The following CAMTA1 variants were observed in gnomAD, a reference collection of about 807,000 sequenced individuals.
The protein encoded by CAMTA1 is calmodulin binding transcription activator 1.
CAMTA1 carries 27 observed loss-of-function variants against 170.9 expected under a neutral mutation model. That is an observed-to-expected ratio of 0.16 (90% CI 0.12 to 0.22). The LOEUF is 0.22. CAMTA1 is among the 10% of genes least tolerant of loss of function. The pLI, the probability that CAMTA1 is intolerant of heterozygous loss-of-function variation, is 1.00. For synonymous variants in CAMTA1, 833 were observed against 891.5 expected (o/e 0.93, Z 1.17); for missense variants, 1,619 against 2,217.2 (o/e 0.73, Z 5.42).
At chr1:7,554,181 A>G (rs2150204581) in intron 6 of CAMTA1, among the ~76,000 whole-genome samples, 1 of 152,330 alleles carries the variant, frequency 6.6e-6, no homozygotes, top group East Asian at 1.9e-4. Flanking sequence ...TACATGGAAG[A>G]AGAAGGGTGT....
intron 8 of CAMTA1, among the ~76,000 whole-genome samples, chr1:7,662,583 C>G (rs973783978): frequency 6.6e-6 from 1 of 152,168 alleles, no homozygotes; most frequent in Non-Finnish European, 1.5e-5. Context: ...AGAGAAAAGC[C>G]GTCCTGGCTG....
At position 7,665,787 on chromosome 1, in the gene CAMTA1, C is replaced by T. The variant is rs1013049523; in HGVS notation, c.2652+588C>T. ...CCCAGCTCCAGCCAGAGTCGTCTGCCGTTTCTCAATTTATGTGTTGAGTCC... is the reference window on the plus strand; with the variant it reads ...CCCAGCTCCAGCCAGAGTCGTCTGCTGTTTCTCAATTTATGTGTTGAGTCC... On this transcript the variant is annotated intron_variant, in intron 9 of 22. Transcript: ENST00000303635. The surrounding 1 kb of genome is among the most constrained non-coding windows in gnomAD (Gnocchi z 4.3). Among the ~76,000 whole-genome samples, 1 of 152,040 alleles carries T rather than the reference C, an allele frequency of 6.6e-6. No homozygotes were observed. The highest frequency in any genetic ancestry group is 2.4e-5 in the African/African-American group (1 of 41,402).
rs2149158077 is a variant in CAMTA1 at position 7,663,869 on chromosome 1, A to G, written c.1322A>G (p.Lys441Arg). The change falls in exon 9 of 23, where the codon AAG becomes AGG. Residue 441 changes from lysine (K) to arginine (R), a missense_variant. Physicochemically the swap from Lys to Arg is conservative, Grantham distance 26. This residue lies in a region of CAMTA1 where 731 missense variants were observed against 907.6 expected (regional missense o/e 0.81). Transcript: ENST00000303635. ...CTGGCCGTGAGCTCTGATGGCCACA[A>G]GTTCGCCTTTCCCACCACGGGCAGC... The part of the protein sequence containing the change: ...LVLAVSSDGH[K>R]FAFPTTGSSE... 2 of 1,614,012 alleles carry G rather than the reference A, an allele frequency of 1.2e-6. No individual in the cohort carries two copies. Among genetic ancestry groups the G allele is most frequent in the Admixed American group, 1.7e-5 (1 of 60,022 alleles).
chr1:7,199,234 G>T (rs916309221), intron 4 of CAMTA1, among the ~76,000 whole-genome samples: 1 of 152,216 alleles, frequency 6.6e-6, no homozygotes, highest in African/African-American at 2.4e-5. Context: ...TCCACCCGCT[G>T]GGCATCCTGC....
chr1:6,897,383 G>A (rs1457633592), intron 3 of CAMTA1, among the ~76,000 whole-genome samples: 3 of 141,752 alleles, frequency 2.1e-5, no homozygotes, highest in South Asian at 2.2e-4. Flanking sequence ...AGTGTGGGGC[G>A]GGGAGTAGTG....
At chr1:7,304,043 A>C (rs953544154) in intron 5 of CAMTA1, among the ~76,000 whole-genome samples, 1 of 151,062 alleles carries the variant, frequency 6.6e-6, no homozygotes. Flanking sequence ...TTAGAGTAGA[A>C]GTTCTCAAGG....
At chr1:7,123,656 C>A (rs1371591627) in intron 4 of CAMTA1, among the ~76,000 whole-genome samples, 1 of 152,140 alleles carries the variant, frequency 6.6e-6, no homozygotes, top group African/African-American at 2.4e-5. Context: ...GTACCTTGGC[C>A]CCTCTGAGCC....
intron 3 of CAMTA1, among the ~76,000 whole-genome samples, chr1:6,949,008 T>A (rs1352720788): frequency 2.0e-5 from 3 of 152,216 alleles, no homozygotes; most frequent in Non-Finnish European, 4.4e-5. Context: ...GGGATAATCT[T>A]CCAGGGAAAA....
At chr1:7,229,913 C>T (rs896667158) in intron 4 of CAMTA1, among the ~76,000 whole-genome samples, 5 of 152,150 alleles carry the variant, frequency 3.3e-5, no homozygotes, top group African/African-American at 1.2e-4. Context: ...CTGGTATTCA[C>T]AATGACTCAC....
intron 4 of CAMTA1, among the ~76,000 whole-genome samples, chr1:7,209,034 C>G (rs1658280470): frequency 6.6e-6 from 1 of 152,274 alleles, no homozygotes; most frequent in South Asian, 2.1e-4. Flanking sequence ...AGCCTTTAAC[C>G]ATGATTCAAG....
chr1:7,498,557 C>G (rs1360899264), intron 6 of CAMTA1, among the ~76,000 whole-genome samples: 1 of 151,056 alleles, frequency 6.6e-6, no homozygotes, highest in Non-Finnish European at 1.5e-5. Context: ...GTTAATCTAC[C>G]TGTATATGCA....
chr1:6,917,316 G>C (rs1429876035), intron 3 of CAMTA1, among the ~76,000 whole-genome samples: 1 of 152,050 alleles, frequency 6.6e-6, no homozygotes. Flanking sequence ...GGTAAGCCGT[G>C]GTGGTTTAAA....
chr1:6,958,229 T>C (rs1251624302), intron 3 of CAMTA1, among the ~76,000 whole-genome samples: 1 of 152,204 alleles, frequency 6.6e-6, no homozygotes, highest in Non-Finnish European at 1.5e-5. Context: ...GGAAGCCTGC[T>C]GGTATAAGAT....
chr1:6,910,352 T>C (rs1679434888), intron 3 of CAMTA1, among the ~76,000 whole-genome samples: 1 of 152,236 alleles, frequency 6.6e-6, no homozygotes, highest in African/African-American at 2.4e-5. Context: ...TTTTTCTTCT[T>C]TTTACCCCAG....
chr1:7,337,016 T>C (rs184164456), intron 5 of CAMTA1, among the ~76,000 whole-genome samples: 1 of 152,340 alleles, frequency 6.6e-6, no homozygotes, highest in East Asian at 1.9e-4. Flanking sequence ...TTTCTGTTGA[T>C]TTATGTCCCT....
chr1:7,684,647 T>C (rs774288660), intron 11 of CAMTA1, among the ~76,000 whole-genome samples: 6 of 152,226 alleles, frequency 3.9e-5, no homozygotes, highest in Non-Finnish European at 8.8e-5. Flanking sequence ...CACCAGTCAT[T>C]GGATTAAGGC....
chr1:7,147,540 C>G (rs1038332991), intron 4 of CAMTA1, among the ~76,000 whole-genome samples: 2 of 149,548 alleles, frequency 1.3e-5, no homozygotes, highest in Non-Finnish European at 3.0e-5. Flanking sequence ...CAAACATACA[C>G]TATGCACACG....
intron 5 of CAMTA1, among the ~76,000 whole-genome samples, chr1:7,458,225 G>A (rs2093006646): frequency 6.6e-6 from 1 of 152,196 alleles, no homozygotes; most frequent in Non-Finnish European, 1.5e-5. Flanking sequence ...GTGCACCAGG[G>A]CTTCTGATGA....
At chr1:7,538,355 T>G (rs987659660) in intron 6 of CAMTA1, among the ~76,000 whole-genome samples, 3 of 144,400 alleles carry the variant, frequency 2.1e-5, no homozygotes, top group African/African-American at 8.6e-5. Flanking sequence ...TTATGTATTC[T>G]TTTCATTAAA....
Sources: gnomAD v4.1 joint callset for allele counts (sites outside exome capture counted in the v4.1 genomes callset) on GRCh38, gnomAD v4.1.1 for gene constraint, gnomAD v4.1.1 regional missense constraint, Gnocchi (gnomAD v3.1) non-coding constraint, MANE v1.5 for transcripts, NCBI Gene and HGNC (gene_info 2026-07-23, HGNC 2026-07-21) for gene names.